The following CREB5 variants were observed in gnomAD, a reference collection of about 807,000 sequenced individuals.
The protein encoded by CREB5 is cyclic AMP-responsive element-binding protein 5.
A neutral mutation model predicts 57.1 loss-of-function variants in CREB5; 19 were observed. That is an observed-to-expected ratio of 0.33 (90% CI 0.23 to 0.49). The LOEUF is 0.49. Ranked by LOEUF, CREB5 falls within the 20% of genes least tolerant of loss-of-function variation. The probability of loss-of-function intolerance (pLI) is 0.99; values close to 1 mark genes in which losing one functional copy is unlikely to be tolerated. For synonymous variants in CREB5, 238 were observed against 238.3 expected (o/e 1.00, Z 0.01); for missense variants, 579 against 671.6 (o/e 0.86, Z 1.52).
intron 4 of CREB5, among the ~76,000 whole-genome samples, chr7:28,516,417 T>G (rs1274583958): frequency 6.6e-6 from 1 of 152,200 alleles, no homozygotes; most frequent in Non-Finnish European, 1.5e-5. Flanking sequence ...ATGTGGTCAG[T>G]TAATCCTGGT....
intron 7 of CREB5, among the ~76,000 whole-genome samples, chr7:28,800,262 C>T (rs1808285423): frequency 6.6e-6 from 1 of 152,174 alleles, no homozygotes; most frequent in African/African-American, 2.4e-5. Context: ...AAGGGGATGT[C>T]TGAAGTACAT....
chr7:28,785,824 C>T (rs750573629), intron 7 of CREB5, among the ~76,000 whole-genome samples: 1 of 152,144 alleles, frequency 6.6e-6, no homozygotes, highest in Non-Finnish European at 1.5e-5. Context: ...ACATTCACAC[C>T]TCTGTGGAAC....
chr7:28,686,235 A>C (rs1403539886), intron 5 of CREB5: 1 of 1,566,194 alleles, frequency 6.4e-7, no homozygotes, highest in East Asian at 2.2e-5. Flanking sequence ...TCCTGATTTT[A>C]TAGATTTTTT....
At chr7:28,624,216 C>T (rs1479955749) in intron 5 of CREB5, among the ~76,000 whole-genome samples, 2 of 152,158 alleles carry the variant, frequency 1.3e-5, no homozygotes, top group South Asian at 2.1e-4. Context: ...GTCTAATTTG[C>T]GTGAATTCTA....
chr7:28,507,779 G>C, intron 4 of CREB5, 42 bp downstream of exon 4: 4 of 1,560,822 alleles, frequency 2.6e-6, no homozygotes, highest in Non-Finnish European at 3.5e-6. Flanking sequence ...TGTCCTGCTA[G>C]AAACTTCCAC....
chr7:28,636,583 G>A (rs992486032), intron 5 of CREB5, among the ~76,000 whole-genome samples: 5 of 152,102 alleles, frequency 3.3e-5, no homozygotes, highest in African/African-American at 9.7e-5. Flanking sequence ...ACTCCATGAT[G>A]ATTGATAGAT....
intron 1 of CREB5, among the ~76,000 whole-genome samples, chr7:28,483,677 C>T (rs1043766514): frequency 6.6e-6 from 1 of 152,296 alleles, no homozygotes. Flanking sequence ...GGGGGTCATA[C>T]TCAGCCCACA....
At chr7:28,785,396 T>A (rs950764877) in intron 7 of CREB5, among the ~76,000 whole-genome samples, 2 of 152,252 alleles carry the variant, frequency 1.3e-5, no homozygotes, top group African/African-American at 2.4e-5. Context: ...TTTGTTTGAT[T>A]CATGGGCTTC....
chr7:28,806,855 C>A (rs1309121805), intron 8 of CREB5, among the ~76,000 whole-genome samples: 1 of 152,176 alleles, frequency 6.6e-6, no homozygotes, highest in Non-Finnish European at 1.5e-5. Flanking sequence ...GATTAAAAAT[C>A]AATTTTTTCC....
intron 5 of CREB5, among the ~76,000 whole-genome samples, chr7:28,657,717 G>GAAAAAAA (rs59307921): frequency 2.0e-4 from 11 of 54,022 alleles, no homozygotes; most frequent in African/African-American, 5.4e-4. Flanking sequence ...ACTCTCTCTC[G>GAAAAAAA]AAAAAAAAAA....
At chr7:28,625,542 A>C (rs1797968151) in intron 5 of CREB5, among the ~76,000 whole-genome samples, 1 of 152,234 alleles carries the variant, frequency 6.6e-6, no homozygotes, top group African/African-American at 2.4e-5. Flanking sequence ...CCCAAAGCAC[A>C]GTCCGCCAAA....
intron 7 of CREB5, among the ~76,000 whole-genome samples, chr7:28,782,326 C>CA (rs1292411071): frequency 1.5e-4 from 23 of 151,932 alleles, no homozygotes; most frequent in Non-Finnish European, 2.5e-4. Context: ...ATATAATTAT[C>CA]ACACAGAATA....
At chr7:28,672,363 ATAAATTGGTATTAT>A (rs1275276442) in intron 5 of CREB5, among the ~76,000 whole-genome samples, 11 of 152,164 alleles carry the variant, frequency 7.2e-5, no homozygotes, top group Non-Finnish European at 1.3e-4. Context: ...TGTAACACAT[ATAAATTGGTATTAT>A]TGTGGCTAGA....
chr7:28,496,802 T>G (rs968379918), intron 3 of CREB5, among the ~76,000 whole-genome samples: 1 of 90,844 alleles, frequency 1.1e-5, no homozygotes, highest in African/African-American at 6.2e-5. Flanking sequence ...GTTATTGTTT[T>G]TTTTTTTTTA....
At chr7:28,568,998 A>AT (rs1010842638) in intron 4 of CREB5, among the ~76,000 whole-genome samples, 3 of 151,826 alleles carry the variant, frequency 2.0e-5, no homozygotes, top group Non-Finnish European at 2.9e-5. Context: ...GTGGCACTCC[A>AT]TTTTTTTCCC....
At chr7:28,325,126 G>C (rs1221005665) in intron 1 of CREB5, among the ~76,000 whole-genome samples, 1 of 152,092 alleles carries the variant, frequency 6.6e-6, no homozygotes. Flanking sequence ...TACACTTATA[G>C]TCCTTTCTCT....
At chr7:28,328,806 C>T (rs1165642807) in intron 1 of CREB5, among the ~76,000 whole-genome samples, 5 of 152,108 alleles carry the variant, frequency 3.3e-5, no homozygotes, top group Non-Finnish European at 7.4e-5. Flanking sequence ...TATTCACAAG[C>T]GGCTGGCAAA....
At chr7:28,658,721 T>C (rs1468194006) in intron 5 of CREB5, among the ~76,000 whole-genome samples, 2 of 151,664 alleles carry the variant, frequency 1.3e-5, no homozygotes, top group African/African-American at 4.8e-5. Flanking sequence ...AATCAAGGGG[T>C]GATGGGAAGG....
chr7:28,488,288 C>T (rs1441576682), intron 2 of CREB5, 42 bp downstream of exon 2: 1 of 1,588,992 alleles, frequency 6.3e-7, no homozygotes, highest in Non-Finnish European at 8.6e-7. Flanking sequence ...GCAGGGCCTG[C>T]TTTCCGAAAG....
Sources: allele counts gnomAD v4.1 joint callset (sites outside exome capture counted in the v4.1 genomes callset), GRCh38; gene constraint gnomAD v4.1.1; transcripts MANE v1.5; gene names NCBI Gene and HGNC (gene_info 2026-07-23, HGNC 2026-07-21).